HCN1: variants seen among roughly 807,000 people sequenced by gnomAD.
HCN1 encodes potassium/sodium hyperpolarization-activated cyclic nucleotide-gated channel 1.
A neutral mutation model predicts 78.9 loss-of-function variants in HCN1; 13 were observed. The ratio of observed to expected loss-of-function variants is 0.16; its 90% confidence interval spans 0.11 to 0.26. HCN1 has a LOEUF of 0.26. HCN1 is among the 10% of genes least tolerant of loss of function. The pLI is 1.00. For synonymous variants in HCN1, 552 were observed against 455.5 expected (o/e 1.21, Z -2.70); for missense variants, 810 against 1,154.3 (o/e 0.70, Z 4.32).
At position 45,525,071 on chromosome 5, in the gene HCN1, C is replaced by T. The variant is rs539924114; in HGVS notation, c.850-63064G>A. On this transcript the variant is annotated intron_variant, in intron 2 of 7. Coordinates refer to ENST00000303230, the MANE Select transcript of HCN1 (RefSeq NM_021072.4). ...TATTGAGAGTTTTTAGCATGAAGGG[C>T]TGTTGAATTTTGTCAAAGGCCTTTT... Among the ~76,000 whole-genome samples the T allele has an allele frequency of 1.8e-3, 271 of 152,012 alleles. 1 individual carries two copies. The highest frequency in any genetic ancestry group is 6.2e-3 in the African/African-American group (257 of 41,458).
intron 6 of HCN1, among the ~76,000 whole-genome samples, chr5:45,283,057 C>T (rs562672032): frequency 6.6e-6 from 1 of 152,112 alleles, no homozygotes; most frequent in Non-Finnish European, 1.5e-5. Context: ...CTACTTTCCC[C>T]AAATGAATGT....
intron 4 of HCN1, among the ~76,000 whole-genome samples, chr5:45,361,276 G>T (rs560783196): frequency 6.6e-6 from 1 of 152,146 alleles, no homozygotes; most frequent in South Asian, 2.1e-4. Context: ...CGGCCTCCTG[G>T]GTTCTAGTGA....
intron 3 of HCN1, among the ~76,000 whole-genome samples, chr5:45,400,994 G>T (rs1251194718): frequency 1.3e-5 from 2 of 151,968 alleles, no homozygotes; most frequent in Non-Finnish European, 2.9e-5. Context: ...ATAGTTTGTT[G>T]ATCACACCAT....
intron 2 of HCN1, among the ~76,000 whole-genome samples, chr5:45,530,437 G>T (rs949840534): frequency 7.0e-6 from 1 of 143,812 alleles, no homozygotes; most frequent in Non-Finnish European, 1.5e-5. Flanking sequence ...TACATATATA[G>T]TTTTTTTTTT....
intron 2 of HCN1, among the ~76,000 whole-genome samples, chr5:45,602,314 T>C (rs1744641802): frequency 6.6e-6 from 1 of 152,052 alleles, no homozygotes; most frequent in African/African-American, 2.4e-5. Context: ...CCTAATCCAA[T>C]ATGACCAGTA....
intron 6 of HCN1, 92 bp from the exon 7 acceptor site, chr5:45,267,345 G>C (rs1579766505): frequency 8.4e-7 from 1 of 1,192,130 alleles, no homozygotes. Flanking sequence ...CAAGTCTCAT[G>C]GTGTGAAAAA....
intron 2 of HCN1, among the ~76,000 whole-genome samples, chr5:45,587,170 A>G (rs1744247317): frequency 6.6e-6 from 1 of 152,182 alleles, no homozygotes; most frequent in South Asian, 2.1e-4. Context: ...AACTAGAAAT[A>G]CCATTTGATC....
At chr5:45,430,081 A>G (rs1314246073) in intron 3 of HCN1, among the ~76,000 whole-genome samples, 1 of 152,194 alleles carries the variant, frequency 6.6e-6, no homozygotes, top group South Asian at 2.1e-4. Context: ...ATCTTCCAAT[A>G]TATTATTTCT....
intron 3 of HCN1, among the ~76,000 whole-genome samples, chr5:45,408,442 T>C (rs1294799352): frequency 6.6e-6 from 1 of 152,194 alleles, no homozygotes; most frequent in Non-Finnish European, 1.5e-5. Flanking sequence ...ATGCCTACAG[T>C]ATTCAGTACA....
intron 4 of HCN1, among the ~76,000 whole-genome samples, chr5:45,366,929 G>A (rs1198241887): frequency 6.6e-5 from 10 of 151,698 alleles, no homozygotes; most frequent in African/African-American, 2.4e-4. Context: ...AATTAATGAA[G>A]AAGAATACAT....
intron 3 of HCN1, among the ~76,000 whole-genome samples, chr5:45,458,713 T>C (rs1231022707): frequency 2.6e-5 from 4 of 152,134 alleles, no homozygotes; most frequent in Non-Finnish European, 5.9e-5. Flanking sequence ...CTACTCTTGG[T>C]TCTATAATCT....
At chr5:45,677,157 C>A (rs892063909) in intron 1 of HCN1, among the ~76,000 whole-genome samples, 21 of 151,804 alleles carry the variant, frequency 1.4e-4, no homozygotes, top group African/African-American at 5.1e-4. Flanking sequence ...ACCCCTAGCT[C>A]TACCCTGCCA....
At chr5:45,423,147 C>A (rs1715234386) in intron 3 of HCN1, among the ~76,000 whole-genome samples, 1 of 152,100 alleles carries the variant, frequency 6.6e-6, no homozygotes, top group South Asian at 2.1e-4. Context: ...CAAAACTTCA[C>A]ATGTACCCCA....
chr5:45,397,729 A>G (rs1342164986), intron 3 of HCN1, among the ~76,000 whole-genome samples: 1 of 151,670 alleles, frequency 6.6e-6, no homozygotes, highest in Non-Finnish European at 1.5e-5. Context: ...ATGAGTAAAA[A>G]TATAAGCTTA....
intron 5 of HCN1, among the ~76,000 whole-genome samples, chr5:45,324,023 G>A (rs1257675727): frequency 2.0e-5 from 3 of 151,930 alleles, no homozygotes; most frequent in Non-Finnish European, 2.9e-5. Context: ...ATAAACATAC[G>A]TGTGCATGTG....
intron 2 of HCN1, among the ~76,000 whole-genome samples, chr5:45,513,738 T>C (rs965771366): frequency 2.6e-5 from 4 of 152,152 alleles, no homozygotes; most frequent in Non-Finnish European, 4.4e-5. Context: ...CCTGAAACCA[T>C]TGCCCCACCC....
intron 2 of HCN1, among the ~76,000 whole-genome samples, chr5:45,554,348 G>GT (rs760677573): frequency 1.3e-5 from 2 of 151,696 alleles, no homozygotes; most frequent in Non-Finnish European, 2.9e-5. Context: ...CAAATATTCT[G>GT]TTTTTCATGA....
chr5:45,665,956 T>A (rs1022811775), intron 1 of HCN1, among the ~76,000 whole-genome samples: 1 of 152,072 alleles, frequency 6.6e-6, no homozygotes, highest in Non-Finnish European at 1.5e-5. Context: ...TCACACCTCC[T>A]TTTTAAAATG....
chr5:45,350,831 C>G (rs1034746932), intron 5 of HCN1, among the ~76,000 whole-genome samples: 1 of 152,076 alleles, frequency 6.6e-6, no homozygotes, highest in East Asian at 1.9e-4. Context: ...ACGTGAAGGA[C>G]CTCTTCAAGG....
Sources: allele counts gnomAD v4.1 joint callset (sites outside exome capture counted in the v4.1 genomes callset), GRCh38; gene constraint gnomAD v4.1.1; transcripts MANE v1.5; gene names NCBI Gene and HGNC (gene_info 2026-07-23, HGNC 2026-07-21).